CPAMD8: variants seen among roughly 807,000 people sequenced by gnomAD.
CPAMD8 encodes C3 and PZP-like alpha-2-macroglobulin domain-containing protein 8.
A neutral mutation model predicts 224.7 loss-of-function variants in CPAMD8; 146 were observed. The ratio of observed to expected loss-of-function variants is 0.65; its 90% CI spans 0.57 to 0.75. The LOEUF (loss-of-function observed/expected upper bound fraction) is 0.75, where lower values mean the gene tolerates loss of function less well. Ranked by LOEUF, CPAMD8 falls within the 30% of genes least tolerant of loss-of-function variation. The pLI is 0.00. For missense variants in CPAMD8, 2,301 were observed against 2,537.5 expected (o/e 0.91, Z 2.00); for synonymous variants, 966 against 1,044.6 (o/e 0.92, Z 1.45).
intron 29 of CPAMD8, among the ~76,000 whole-genome samples, chr19:16,908,944 C>CTTGGTG (rs1434811350): frequency 1.3e-5 from 2 of 152,148 alleles, no homozygotes; most frequent in African/African-American, 4.8e-5. Flanking sequence ...CTCAAGGACG[C>CTTGGTG]TGCGGAGACC....
intron 13 of CPAMD8, among the ~76,000 whole-genome samples, chr19:16,982,000 A>C (rs1476784621): frequency 2.6e-5 from 4 of 152,230 alleles, no homozygotes; most frequent in African/African-American, 9.6e-5. Context: ...TCACACCTGT[A>C]ATCCCAGTAT....
intron 7 of CPAMD8, among the ~76,000 whole-genome samples, chr19:17,005,848 G>T (rs2056477087): frequency 2.0e-5 from 3 of 152,148 alleles, no homozygotes; most frequent in African/African-American, 4.8e-5. Context: ...ATTCGGGGAT[G>T]TGTGTCCTGA....
intron 13 of CPAMD8, among the ~76,000 whole-genome samples, chr19:16,987,179 A>AAAAAAAAAAAATATATATAT (rs1555784836): frequency 3.7e-5 from 2 of 53,908 alleles, no homozygotes; most frequent in Non-Finnish European, 5.8e-5. Flanking sequence ...AAAAAAAAAA[A>AAAAAAAAAAAATATATATAT]ATATATATAT....
At position 16,977,416 on chromosome 19, in the gene CPAMD8, C is replaced by A. The variant is rs1337939173; in HGVS notation, c.1710G>T (p.Gly570=). ...CTGCAAACTGAAGGCTGTCGGCGAC[C>A]CCTTCTCCATTCTCCCTGACGTAGA... ...LVFYVRENGE[G]VADSLQFAVE... The change falls in exon 15 of 42, where the codon GGG becomes GGT. Residue 570 remains glycine, a synonymous_variant. Transcript: ENST00000443236. 6.2e-7 allele frequency: 1 copy of A among 1,612,704 alleles called. No individual in the cohort carries two copies.
intron 3 of CPAMD8, among the ~76,000 whole-genome samples, chr19:17,017,659 T>A (rs1224124294): frequency 2.0e-5 from 3 of 152,174 alleles, no homozygotes; most frequent in African/African-American, 7.2e-5. Context: ...GTCTCCAAAC[T>A]TTACGAAATG....
At chr19:16,955,008 G>T (rs1910549946) in intron 19 of CPAMD8, among the ~76,000 whole-genome samples, 1 of 152,184 alleles carries the variant, frequency 6.6e-6, no homozygotes, top group South Asian at 2.1e-4. Flanking sequence ...GGCGGCTGTG[G>T]TCCCAGCTAC....
Position 16,902,728 on chromosome 19 carries a change from A to G in CPAMD8, c.4606T>C (p.Trp1536Arg). ...GGGTCATCATCGTCAGCTGGGGGCC[A>G]GTCTCCTCGGGAACCCTCAGCTGCG... is the stretch of plus-strand genomic sequence containing the variant. ...ASAAEGSRGD[W>R]PPADDDDPAA... is the part of the protein sequence containing the mutation. The change falls in exon 35 of 42, where the codon TGG becomes CGG. Residue 1536 changes from tryptophan to arginine, a missense_variant. Transcript: ENST00000443236. 1 of 1,602,874 alleles carries G rather than the reference A, an allele frequency of 6.2e-7. No individual in the cohort carries two copies. Among genetic ancestry groups the G allele is most frequent in the Non-Finnish European group, 8.5e-7 (1 of 1,172,508 alleles).
In CPAMD8 at chr19:16,935,966, C is replaced by T. The variant is rs184770360; in HGVS notation, c.2845+2429G>A. Among the ~76,000 whole-genome samples the T allele has an allele frequency of 3.0e-3, 454 of 150,406 alleles. 1 individual carries two copies. Among genetic ancestry groups the T allele is most frequent in the Non-Finnish European group, 5.4e-3 (365 of 67,880 alleles). On this transcript the variant is annotated intron_variant, in intron 23 of 41. Transcript: ENST00000443236. The stretch of plus-strand genomic sequence containing the variant: ...TTTTTGAGATAGCAACTCACTCTGT[C>T]GCCTAGGCTGGAGTGTGGTGGTGCC...
intron 23 of CPAMD8, among the ~76,000 whole-genome samples, chr19:16,938,135 A>T (rs1181567191): frequency 6.6e-6 from 1 of 152,122 alleles, no homozygotes; most frequent in South Asian, 2.1e-4. Context: ...CTGTGTATTC[A>T]TTCCCTGCGT....
At chr19:16,957,960 C>G in intron 18 of CPAMD8, 45 bp from the exon 19 acceptor site, 2 of 1,552,326 alleles carry the variant, frequency 1.3e-6, no homozygotes, top group Non-Finnish European at 1.8e-6. Flanking sequence ...ATGAACATAA[C>G]AAATCTTATG....
chr19:16,927,751 G>A (rs566136057), intron 25 of CPAMD8, among the ~76,000 whole-genome samples: 1 of 152,310 alleles, frequency 6.6e-6, no homozygotes, highest in East Asian at 1.9e-4. Flanking sequence ...AGACTTGGGG[G>A]GCTCTAGATC....
At chr19:16,955,279 G>A (rs2054432519) in intron 19 of CPAMD8, among the ~76,000 whole-genome samples, 1 of 148,882 alleles carries the variant, frequency 6.7e-6, no homozygotes, top group Admixed American at 6.7e-5. Flanking sequence ...TGGTGACAGA[G>A]CAAGACTCCA....
At chr19:16,927,048 C>G (rs138227489) in intron 25 of CPAMD8, among the ~76,000 whole-genome samples, 1 of 152,100 alleles carries the variant, frequency 6.6e-6, no homozygotes, top group Non-Finnish European at 1.5e-5. Flanking sequence ...CCATCCCAAA[C>G]TCTCACCACC....
intron 20 of CPAMD8, among the ~76,000 whole-genome samples, chr19:16,948,900 AGGG>A (rs2054204242): frequency 1.7e-5 from 1 of 60,074 alleles, no homozygotes. Context: ...AGGGAAGGGA[AGGG>A]AAGGGAAGGG....
At chr19:17,014,041 T>C (rs12104299) in intron 3 of CPAMD8, among the ~76,000 whole-genome samples, 25,220 of 145,902 alleles carry the variant, frequency 0.17, 2,848 homozygotes, top group South Asian at 0.35. Context: ...CTTTCTTTCT[T>C]TCTCTTTCTC....
chr19:17,008,664 A>T (rs2056560795), intron 6 of CPAMD8, 105 bp from the exon 7 acceptor site: 1 of 1,265,692 alleles, frequency 7.9e-7, no homozygotes, highest in Admixed American at 1.7e-5. Flanking sequence ...CATGTCAACC[A>T]TGCAGCGAAG....
chr19:17,022,384 C>A (rs2056983391), intron 1 of CPAMD8, among the ~76,000 whole-genome samples: 1 of 152,208 alleles, frequency 6.6e-6, no homozygotes, highest in African/African-American at 2.4e-5. Flanking sequence ...AGTCCCCATG[C>A]TGGGTAAGAA....
At position 16,977,453 on chromosome 19, in the gene CPAMD8, C is replaced by T. The variant is rs1035994038; in HGVS notation, c.1673G>A (p.Arg558His). Residue 558 changes from arginine to histidine, a missense_variant, in exon 15 of 42, where the codon CGC becomes CAC. Around this residue, in one of 4 missense-constraint regions of CPAMD8, gnomAD observed 301 missense variants for 406.6 expected, o/e 0.74. Coordinates refer to ENST00000443236, the MANE Select transcript of CPAMD8 (RefSeq NM_015692.5). ...AVTPSMVPLG[R>H]LLVFYVRENG... ...CTCCCTGACGTAGAAGACCAGCAGG[C>T]GACCAAGGGGGACCATGCTGGGGGT... is the stretch of plus-strand genomic sequence containing the variant. The T allele has an allele frequency of 2.2e-5, 35 of 1,610,566 alleles. No homozygotes were observed. In the Middle Eastern group the frequency reaches 6.6e-4, roughly 30 times the overall value.
At chr19:16,901,095 A>G (rs557480521) in intron 36 of CPAMD8, 115 bp downstream of exon 36, 52 of 622,396 alleles carry the variant, frequency 8.4e-5, no homozygotes, top group Non-Finnish European at 1.2e-4. Flanking sequence ...GAAGAAAAGA[A>G]TACCCATAGC....
Sources: gnomAD v4.1 joint callset for allele counts (sites outside exome capture counted in the v4.1 genomes callset) on GRCh38, gnomAD v4.1.1 for gene constraint, gnomAD v4.1.1 regional missense constraint, MANE v1.5 for transcripts, NCBI Gene and HGNC (gene_info 2026-07-23, HGNC 2026-07-21) for gene names.